ADAMTSL1: variants seen among roughly 807,000 people sequenced by gnomAD.
The protein encoded by ADAMTSL1 is ADAMTS like 1.
ADAMTSL1 carries 126 observed loss-of-function variants against 201.8 expected under a neutral mutation model. That is an observed-to-expected ratio of 0.62 (90% CI 0.54 to 0.72). The LOEUF (loss-of-function observed/expected upper bound fraction) is 0.72, where lower values mean the gene tolerates loss of function less well. Ranked by LOEUF, ADAMTSL1 falls within the 30% of genes least tolerant of loss-of-function variation. The pLI is 0.00. For missense variants in ADAMTSL1, 2,679 were observed against 2,277.8 expected (o/e 1.18, Z -3.59); for synonymous variants, 1,121 against 903.4 (o/e 1.24, Z -4.32).
chr9:18,479,819 A>G (rs1821631887), intron 1 of ADAMTSL1, among the ~76,000 whole-genome samples: 3 of 152,238 alleles, frequency 2.0e-5, no homozygotes, highest in African/African-American at 7.2e-5. Context: ...AGGTGAAAAC[A>G]GGGAAAAGTA....
intron 1 of ADAMTSL1, among the ~76,000 whole-genome samples, chr9:18,067,620 G>A (rs567955132): frequency 2.6e-5 from 4 of 152,298 alleles, no homozygotes; most frequent in African/African-American, 9.6e-5. Flanking sequence ...CTAATATGAA[G>A]AGATATTATT....
intron 4 of ADAMTSL1, among the ~76,000 whole-genome samples, chr9:18,586,771 G>A (rs961127776): frequency 6.6e-6 from 1 of 152,032 alleles, no homozygotes; most frequent in South Asian, 2.1e-4. Flanking sequence ...GAACAGAATA[G>A]AGAGCCCAGA....
intron 7 of ADAMTSL1, among the ~76,000 whole-genome samples, chr9:18,656,178 A>G (rs776780): frequency 0.51 from 77,210 of 151,310 alleles, 19,925 homozygotes; most frequent in Middle Eastern, 0.59. Context: ...AGCATCCATC[A>G]CTTTTTCTTG....
intron 1 of ADAMTSL1, among the ~76,000 whole-genome samples, chr9:18,489,392 T>C (rs998196209): frequency 4.6e-5 from 7 of 152,176 alleles, no homozygotes; most frequent in African/African-American, 1.4e-4. Flanking sequence ...AGCATTCTGG[T>C]GCCTAATGTG....
At chr9:18,191,658 G>T (rs1254845742) in intron 2 of ADAMTSL1, among the ~76,000 whole-genome samples, 8 of 152,136 alleles carry the variant, frequency 5.3e-5, no homozygotes, top group Non-Finnish European at 1.2e-4. Flanking sequence ...GTTCACAGTT[G>T]CCAGCATGGA....
intron 1 of ADAMTSL1, among the ~76,000 whole-genome samples, chr9:18,102,617 A>C (rs1824579882): frequency 6.6e-6 from 1 of 152,202 alleles, no homozygotes; most frequent in South Asian, 2.1e-4. Context: ...GTCATGAAGA[A>C]AGAACAGAGT....
At position 18,684,816 on chromosome 9, in the gene ADAMTSL1, A is replaced by C; in HGVS notation, c.1574+16A>C. The C allele has an allele frequency of 1.9e-6, 3 of 1,602,414 alleles. No individual in the cohort carries two copies. The highest frequency in any genetic ancestry group is 8.5e-7 in the Non-Finnish European group (1 of 1,174,500). ...AGGAGCCCTCGTAAGTTGTAAAAGCACAGACTGTTCTATATTTGAAACTGT... is the reference window on the plus strand; with the variant it reads ...AGGAGCCCTCGTAAGTTGTAAAAGCCCAGACTGTTCTATATTTGAAACTGT... On this transcript the variant is annotated intron_variant, in intron 13 of 28. Transcript: ENST00000380548.
At chr9:18,854,791 T>G (rs989983115) in intron 23 of ADAMTSL1, among the ~76,000 whole-genome samples, 1 of 152,176 alleles carries the variant, frequency 6.6e-6, no homozygotes, top group Non-Finnish European at 1.5e-5. Flanking sequence ...CTCAAACAAT[T>G]GTTCAGTGAC....
At chr9:18,464,450 G>A (rs1271646384) in intron 2 of ADAMTSL1, among the ~76,000 whole-genome samples, 5 of 152,092 alleles carry the variant, frequency 3.3e-5, no homozygotes, top group African/African-American at 1.2e-4. Context: ...TTGAATATGA[G>A]GTAAATAATT....
chr9:18,445,221 G>A (rs566613680), intron 2 of ADAMTSL1, among the ~76,000 whole-genome samples: 6 of 152,194 alleles, frequency 3.9e-5, no homozygotes, highest in Admixed American at 2.6e-4. Flanking sequence ...TTTTGCCACC[G>A]CTAAAAGTAC....
chr9:18,685,505 T>A (rs867305817), intron 13 of ADAMTSL1, among the ~76,000 whole-genome samples: 5 of 152,216 alleles, frequency 3.3e-5, no homozygotes, highest in Middle Eastern at 3.2e-3. Context: ...GGGATACAAT[T>A]GATTGAAAAA....
intron 2 of ADAMTSL1, among the ~76,000 whole-genome samples, chr9:18,508,183 C>CA (rs940673737): frequency 9.4e-5 from 12 of 128,134 alleles, no homozygotes; most frequent in African/African-American, 1.2e-4. Context: ...AACTCCGTCT[C>CA]AAAAAAAAAA....
At position 18,889,621 on chromosome 9, in the gene ADAMTSL1, C is replaced by CG. The variant is rs777337513; in HGVS notation, c.4522dup (p.Val1508GlyfsTer80). 3.1e-6 allele frequency: 5 copies of CG among 1,613,670 alleles called. No individual in the cohort carries two copies. Among genetic ancestry groups the CG allele is most frequent in the Admixed American group, 1.7e-5 (1 of 59,978 alleles). ...AACCTGCTCAGCCTCCTGTGGTAAC[C>CG]GGGGGGTTCAGCAGCCCCGCTTGAG... On this transcript the variant is annotated frameshift_variant, in exon 25 of 29. Coordinates refer to ENST00000380548, the MANE Select transcript of ADAMTSL1 (RefSeq NM_001040272.6). LOFTEE classifies it high-confidence loss of function.
At chr9:18,334,107 A>G (rs530110711) in intron 2 of ADAMTSL1, among the ~76,000 whole-genome samples, 16 of 152,166 alleles carry the variant, frequency 1.1e-4, no homozygotes, top group Non-Finnish European at 2.1e-4. Context: ...CTTTCAAATC[A>G]TAGTAAAAAG....
intron 1 of ADAMTSL1, among the ~76,000 whole-genome samples, chr9:17,916,112 C>T (rs1032423142): frequency 1.3e-5 from 2 of 152,124 alleles, no homozygotes; most frequent in African/African-American, 4.8e-5. Context: ...AGTGGAGACA[C>T]GTTTTGCCAT....
chr9:18,460,571 A>C (rs1246670277), intron 2 of ADAMTSL1, among the ~76,000 whole-genome samples: 2 of 152,038 alleles, frequency 1.3e-5, no homozygotes, highest in Non-Finnish European at 2.9e-5. Flanking sequence ...AATAGGGGGG[A>C]AATGAAATCT....
chr9:17,969,584 G>A (rs538510961), intron 1 of ADAMTSL1, among the ~76,000 whole-genome samples: 193 of 152,096 alleles, frequency 1.3e-3, no homozygotes, highest in African/African-American at 4.4e-3. Context: ...CACGAGCACT[G>A]CTGAGTTGTA....
intron 2 of ADAMTSL1, among the ~76,000 whole-genome samples, chr9:18,526,603 T>C (rs1276989715): frequency 1.3e-5 from 2 of 152,240 alleles, no homozygotes; most frequent in Admixed American, 1.3e-4. Context: ...TGTTTAGTGC[T>C]TCCTTCAGGA....
chr9:18,391,186 T>C (rs1438487749), intron 2 of ADAMTSL1, among the ~76,000 whole-genome samples: 1 of 152,202 alleles, frequency 6.6e-6, no homozygotes, highest in African/African-American at 2.4e-5. Flanking sequence ...ACACTTTTGA[T>C]ACCTAGACGC....
Sources: gnomAD v4.1 joint callset for allele counts (sites outside exome capture counted in the v4.1 genomes callset) on GRCh38, gnomAD v4.1.1 for gene constraint, MANE v1.5 for transcripts, NCBI Gene and HGNC (gene_info 2026-07-23, HGNC 2026-07-21) for gene names.